TAF6L: variants seen among roughly 807,000 people sequenced by gnomAD.
TAF6L encodes the protein TAF6-like RNA polymerase II p300/CBP-associated factor-associated factor 65 kDa subunit 6L.
TAF6L carries 34 observed loss-of-function variants against 57.3 expected under a neutral mutation model. That is an observed-to-expected ratio of 0.59 (90% confidence interval 0.45 to 0.79). TAF6L has a LOEUF of 0.79. Ranked by LOEUF, TAF6L falls within the 30% of genes least tolerant of loss-of-function variation. The pLI is 0.00. For synonymous variants in TAF6L, 417 were observed against 376.3 expected (o/e 1.11, Z -1.25); for missense variants, 782 against 853.2 (o/e 0.92, Z 1.04).
At chr11:62,779,453 C>A (rs766964782) in intron 6 of TAF6L, among the ~76,000 whole-genome samples, 81 of 151,954 alleles carry the variant, frequency 5.3e-4, no homozygotes, top group Non-Finnish European at 9.9e-4. Flanking sequence ...CCTCAGCCTC[C>A]TAAAGTGCTG....
chr11:62,773,552 A>AT (rs550020536), intron 1 of TAF6L, among the ~76,000 whole-genome samples: 97 of 151,622 alleles, frequency 6.4e-4, no homozygotes, highest in East Asian at 5.8e-4. Flanking sequence ...GGTTCAAGCG[A>AT]TTCTCCTGCC....
chr11:62,779,965 T>C (rs1232688278), intron 6 of TAF6L, among the ~76,000 whole-genome samples: 4 of 72,136 alleles, frequency 5.5e-5, no homozygotes, highest in Non-Finnish European at 1.0e-4. Flanking sequence ...TATATATATA[T>C]ATATATATAT....
intron 9 of TAF6L, among the ~76,000 whole-genome samples, chr11:62,784,137 G>C (rs1388453101): frequency 2.1e-5 from 3 of 141,748 alleles, no homozygotes; most frequent in African/African-American, 7.8e-5. Flanking sequence ...TTACAGGCAC[G>C]CACCACCAGG....
intron 2 of TAF6L, 135 bp from the exon 3 acceptor site, chr11:62,776,249 G>A (rs2084187358): frequency 1.2e-6 from 1 of 865,290 alleles, no homozygotes; most frequent in South Asian, 1.6e-5. Context: ...CAGGAGCAGA[G>A]ACGGAATCTA....
chr11:62,781,680 T>G (rs1321124591), intron 6 of TAF6L: 11 of 279,784 alleles, frequency 3.9e-5, no homozygotes, highest in East Asian at 7.6e-5. Flanking sequence ...AAAAAAAAAG[T>G]TGGACATTCA....
rs535970932 is a variant in TAF6L at position 62,787,246 on chromosome 11, C to T, written c.1819C>T (p.Pro607Ser). The T allele has an allele frequency of 1.0e-4, 158 of 1,568,696 alleles. 2 individuals carry two copies. In the South Asian group the frequency reaches 1.7e-3, roughly 17 times the overall value. Residue 607 changes from proline to serine, a missense_variant, in exon 11 of 11, where the codon CCC becomes TCC. Transcript: ENST00000294168. ...GCCCATGATCGGCCGTACCAGCCGC[C>T]CCGCCCGCCGGTGGGCGCTCTCGGA... is the stretch of plus-strand genomic sequence containing the variant. ...KLPMIGRTSR[P>S]ARRWALSDYS...
At position 62,787,070 on chromosome 11, in the gene TAF6L, A is replaced by G. The variant is rs1353150713; in HGVS notation, c.1643A>G (p.Gln548Arg). The change falls in exon 11 of 11, where the codon CAG becomes CGG. Residue 548 changes from glutamine to arginine, a missense_variant. This residue lies in a region of TAF6L where 483 missense variants were observed against 445.1 expected (regional missense o/e 1.09). Coordinates refer to ENST00000294168, the MANE Select transcript of TAF6L (RefSeq NM_006473.4). ...GPGTGTRDVF[Q>R]KSRFAPRGAP... Reference sequence around the variant, plus strand: ...GGGACCGGCACCCGCGACGTTTTCCAGAAGAGCCGTTTCGCCCCGCGCGGC... The same window carrying G: ...GGGACCGGCACCCGCGACGTTTTCCGGAAGAGCCGTTTCGCCCCGCGCGGC... 2.0e-6 allele frequency: 3 copies of G among 1,529,702 alleles called. No homozygotes were observed. The highest frequency in any genetic ancestry group is 2.6e-6 in the Non-Finnish European group (3 of 1,145,280). The allele number at this position is 1,529,702 out of a possible 1,614,324, so 94.8% of individuals were successfully genotyped here.
chr11:62,780,974 G>C (rs970087706), intron 6 of TAF6L, among the ~76,000 whole-genome samples: 1 of 144,382 alleles, frequency 6.9e-6, no homozygotes, highest in African/African-American at 2.6e-5. Context: ...GGTGGCTAAC[G>C]CCTGTAATCT....
intron 2 of TAF6L, 24 bp downstream of exon 2, chr11:62,775,954 AC>A (rs778348424): frequency 2.5e-6 from 4 of 1,578,694 alleles, no homozygotes; most frequent in Non-Finnish European, 3.4e-6. Context: ...ACCCCCTGAT[AC>A]CTCCAACTTT....
At chr11:62,779,748 C>T (rs2084213415) in intron 6 of TAF6L, among the ~76,000 whole-genome samples, 1 of 151,490 alleles carries the variant, frequency 6.6e-6, no homozygotes, top group African/African-American at 2.4e-5. Flanking sequence ...TCACTGCAGC[C>T]TCTACCTCTT....
intron 1 of TAF6L, among the ~76,000 whole-genome samples, chr11:62,774,426 T>C (rs2134698036): frequency 6.6e-6 from 1 of 152,288 alleles, no homozygotes; most frequent in South Asian, 2.1e-4. Context: ...GGAGGAGTGC[T>C]GCACAGAAGC....
chr11:62,778,207 G>A (rs1034267567), intron 4 of TAF6L, 78 bp from the exon 5 acceptor site: 13 of 1,613,566 alleles, frequency 8.1e-6, no homozygotes, highest in Non-Finnish European at 1.1e-5. Context: ...GCTGGTGGAA[G>A]AGGCAGAACT....
Position 62,786,992 on chromosome 11 carries a change from G to T in TAF6L, c.1565G>T (p.Arg522Met). 2 of 1,477,252 alleles carry T rather than the reference G, an allele frequency of 1.4e-6. No homozygotes were observed. Among genetic ancestry groups the T allele is most frequent in the Non-Finnish European group, 1.8e-6 (2 of 1,124,238 alleles). 91.5% of individuals were successfully genotyped at this position (1,477,252 alleles called of 1,614,324 possible). Residue 522 changes from arginine to methionine, a missense_variant, in exon 11 of 11, where the codon AGG becomes ATG. Around this residue, in one of 3 missense-constraint regions of TAF6L, gnomAD observed 483 missense variants for 445.1 expected, o/e 1.09. Transcript: ENST00000294168. ...TCTGGGCCCGCCGCCTCTGAGAGCA[G>T]GCCCTTGCCGCGCGTGCATCGGGCG... ...SASGPAASES[R>M]PLPRVHRARG...
In TAF6L at chr11:62,782,105, C is replaced by T; in HGVS notation, c.607-8C>T. ...ATGTCCCTGTAAGCTACCCTCTTCT[C>T]CCAACAGGTGAAATCTGTAAGCCAT... On this transcript the variant is annotated splice_region_variant and splice_polypyrimidine_tract_variant and intron_variant, in intron 7 of 10. Transcript: ENST00000294168. 2 of 1,599,374 alleles carry T rather than the reference C, an allele frequency of 1.3e-6. No homozygotes were observed. The highest frequency in any genetic ancestry group is 1.7e-6 in the Non-Finnish European group (2 of 1,171,628).
At chr11:62,779,181 C>T (rs764448998) in intron 6 of TAF6L, among the ~76,000 whole-genome samples, 40 of 151,830 alleles carry the variant, frequency 2.6e-4, no homozygotes, top group Non-Finnish European at 4.6e-4. Context: ...CCAGCATGCC[C>T]GGCTAATTTT....
chr11:62,778,692 A>G (rs1844545897), intron 5 of TAF6L, 177 bp from the exon 6 acceptor site: 1 of 634,954 alleles, frequency 1.6e-6, no homozygotes, highest in South Asian at 1.9e-5. Flanking sequence ...AGAGGTGTGC[A>G]GAGCCTAGAT....
At chr11:62,782,539 C>G (rs1349523756) in intron 8 of TAF6L, 154 bp from the exon 9 acceptor site, 2 of 1,191,304 alleles carry the variant, frequency 1.7e-6, no homozygotes, top group East Asian at 2.4e-5. Flanking sequence ...CTTCAGCCCT[C>G]AGGTCCTAGG....
rs1451555193 is a variant in TAF6L at position 62,782,757 on chromosome 11, G to A, written c.892G>A (p.Ala298Thr). Residue 298 changes from alanine to threonine, a missense_variant, in exon 9 of 11, where the codon GCA (alanine) becomes ACA (threonine). Transcript: ENST00000294168. ...CCTGCTATCCCTGCAGAAGATCCTGGCAGATCCTGTGCGGCCGCTCTGCTG... is the reference window on the plus strand; with the variant it reads ...CCTGCTATCCCTGCAGAAGATCCTGACAGATCCTGTGCGGCCGCTCTGCTG... ...HILLSLQKIL[A>T]DPVRPLCCHY... is the part of the protein sequence containing the mutation. 1 of 1,613,084 alleles carries A rather than the reference G, an allele frequency of 6.2e-7. No individual in the cohort carries two copies. The highest frequency in any genetic ancestry group is 1.1e-5 in the South Asian group (1 of 91,030).
rs2084284332 is a variant in TAF6L at position 62,786,899 on chromosome 11, G to A, written c.1472G>A (p.Ser491Asn). 6.5e-7 allele frequency: 1 copy of A among 1,546,708 alleles called. No homozygotes were observed. Among genetic ancestry groups the A allele is most frequent in the Non-Finnish European group, 8.7e-7 (1 of 1,155,568 alleles). Reference protein sequence around the residue: ...SVRKMPQLTASAIVSPHGDES... With the variant: ...SVRKMPQLTANAIVSPHGDES... ...CGGAAGATGCCGCAGCTGACGGCAA[G>A]CGCCATAGTCAGCCCGCACGGCGAC... Residue 491 changes from serine (S) to asparagine (N), a missense_variant, in exon 11 of 11, where the codon AGC (serine) becomes AAC (asparagine). Ser to Asn is a conservative substitution (Grantham distance 46, BLOSUM62 1). This residue lies in a region of TAF6L where 483 missense variants were observed against 445.1 expected (regional missense o/e 1.09). Coordinates refer to ENST00000294168, the MANE Select transcript of TAF6L (RefSeq NM_006473.4).
Sources: allele counts gnomAD v4.1 joint callset (sites outside exome capture counted in the v4.1 genomes callset), GRCh38; gene constraint gnomAD v4.1.1; regional missense constraint gnomAD v4.1.1; transcripts MANE v1.5; gene names NCBI Gene and HGNC (gene_info 2026-07-23, HGNC 2026-07-21).